NCOA1: variants seen among roughly 807,000 people sequenced by gnomAD.
The protein encoded by NCOA1 is Hin-2 protein.
A neutral mutation model predicts 150.9 loss-of-function variants in NCOA1; 35 were observed. The ratio of observed to expected loss-of-function variants is 0.23; its 90% confidence interval spans 0.18 to 0.31. NCOA1 has a LOEUF of 0.31. Ranked by LOEUF, NCOA1 falls within the 10% of genes least tolerant of loss-of-function variation. NCOA1 has a pLI of 1.00. For missense variants in NCOA1, 1,491 were observed against 1,749.3 expected, an observed-to-expected ratio of 0.85 and a Z score of 2.63; for synonymous variants, 590 against 630.0, an observed-to-expected ratio of 0.94 and a Z score of 0.95.
At chr2:24,600,126 T>C (rs1449515800) in intron 3 of NCOA1, among the ~76,000 whole-genome samples, 1 of 152,206 alleles carries the variant, frequency 6.6e-6, no homozygotes, top group African/African-American at 2.4e-5. Flanking sequence ...CCCATTCCCT[T>C]CTTTAGTCTA....
chr2:24,719,044 A>AC (rs1225714449), intron 14 of NCOA1, among the ~76,000 whole-genome samples: 6 of 150,812 alleles, frequency 4.0e-5, no homozygotes, highest in African/African-American at 1.5e-4. Flanking sequence ...AAAAAAAAAA[A>AC]AAAAAAAAAA....
intron 1 of NCOA1, among the ~76,000 whole-genome samples, chr2:24,546,778 A>C (rs1665620594): frequency 6.6e-6 from 1 of 152,220 alleles, no homozygotes; most frequent in Non-Finnish European, 1.5e-5. Flanking sequence ...TCAGCTGGTA[A>C]CTGGTGTGGG....
intron 4 of NCOA1, among the ~76,000 whole-genome samples, chr2:24,652,311 C>G (rs1021950755): frequency 6.6e-6 from 1 of 152,022 alleles, no homozygotes; most frequent in African/African-American, 2.4e-5. Flanking sequence ...AAGACCCTTA[C>G]GTGTCTTAGG....
At position 24,729,894 on chromosome 2, in the gene NCOA1, A is replaced by G. The variant is rs1176087273; in HGVS notation, c.3201+79A>G. On this transcript the variant is annotated intron_variant, in intron 17 of 22. Transcript: ENST00000348332. ...CACCTGTCACCAGGCTAGTGTGGCT[A>G]GTGTGCAGTAGTGCTATCTCAGCCC... 4.2e-6 allele frequency: 6 copies of G among 1,421,054 alleles called. No individual in the cohort carries two copies. In the Admixed American group the frequency reaches 1.1e-4, roughly 25 times the overall value. The allele number at this position is 1,421,054 out of a possible 1,614,324, so 88.0% of individuals were successfully genotyped here.
At chr2:24,643,930 G>A (rs190233265) in intron 3 of NCOA1, 36 bp from the exon 4 acceptor site, 49 of 151,646 alleles carry the variant, frequency 3.2e-4, no homozygotes, top group African/African-American at 9.7e-4. Context: ...GCAATCTAAC[G>A]TCCCTTCTGC....
chr2:24,534,779 T>C (rs1665055676), intron 1 of NCOA1, among the ~76,000 whole-genome samples: 1 of 152,240 alleles, frequency 6.6e-6, no homozygotes, highest in South Asian at 2.1e-4. Context: ...TTCTTAATCC[T>C]GAGTTCTAAT....
rs563197315 is a variant in NCOA1 at position 24,719,133 on chromosome 2, A to G, written c.2600-7456A>G. On this transcript the variant is annotated intron_variant, in intron 14 of 22. Coordinates refer to ENST00000348332, the MANE Select transcript of NCOA1 (RefSeq NM_003743.5). Reference sequence around the variant, plus strand: ...AAAATGAAACACTGCTCAGCAATGAAAAGGAAGGAACTATAATACTATTAC... The same window carrying G: ...AAAATGAAACACTGCTCAGCAATGAGAAGGAAGGAACTATAATACTATTAC... Among the ~76,000 whole-genome samples the G allele has an allele frequency of 3.9e-5, 6 of 152,166 alleles. 1 individual carries two copies. In the South Asian group the frequency reaches 1.0e-3, roughly 26 times the overall value.
chr2:24,613,245 T>G (rs371463684), intron 3 of NCOA1, among the ~76,000 whole-genome samples: 25 of 152,188 alleles, frequency 1.6e-4, no homozygotes, highest in East Asian at 1.2e-3. Flanking sequence ...AGATGGCGCT[T>G]ACGGGTAAGA....
chr2:24,612,225 G>T (rs1396418956), intron 3 of NCOA1, among the ~76,000 whole-genome samples: 2 of 152,154 alleles, frequency 1.3e-5, no homozygotes, highest in African/African-American at 4.8e-5. Flanking sequence ...TAAGAATGCT[G>T]AAAATAGGCC....
chr2:24,529,079 G>T (rs752906252), intron 1 of NCOA1, among the ~76,000 whole-genome samples: 9 of 152,100 alleles, frequency 5.9e-5, no homozygotes, highest in Non-Finnish European at 1.2e-4. Context: ...GTAGAGACGG[G>T]GTTTCACCAT....
Position 24,589,630 on chromosome 2 carries a change from GGTGTGTGTGTGTGT to G in NCOA1, c.-175+5091_-175+5104del, listed in dbSNP as rs148118845. Among the ~76,000 whole-genome samples the G allele has an allele frequency of 4.1e-5, 6 of 147,450 alleles. No individual in the cohort carries two copies. The South Asian group carries it at 8.6e-4, about 21-fold the overall frequency. ...GCATAGGGAGAGGAAAGAGGTTGGT[GGTGTGTGTGTGTGT>G]GTGTGTGTGTGTGTGTGTGTATGAA... is the stretch of plus-strand genomic sequence containing the variant. On this transcript the variant is annotated intron_variant, in intron 3 of 22. Transcript: ENST00000348332.
At chr2:24,725,767 T>G (rs1674587028) in intron 14 of NCOA1, among the ~76,000 whole-genome samples, 1 of 151,772 alleles carries the variant, frequency 6.6e-6, no homozygotes, top group Non-Finnish European at 1.5e-5. Flanking sequence ...CCAGAATTTT[T>G]TTATATTAAT....
intron 17 of NCOA1, among the ~76,000 whole-genome samples, chr2:24,739,177 G>A (rs187473592): frequency 8.6e-4 from 130 of 151,922 alleles, no homozygotes; most frequent in South Asian, 2.5e-3. Flanking sequence ...AGACAGTCTC[G>A]CTCTGTCACC....
At chr2:24,674,383 T>C (rs1671814082) in intron 7 of NCOA1, among the ~76,000 whole-genome samples, 1 of 152,096 alleles carries the variant, frequency 6.6e-6, no homozygotes, top group African/African-American at 2.4e-5. Flanking sequence ...TTTTTTTGTA[T>C]TTTTAGTAGA....
chr2:24,732,829 A>G (rs1572656458), intron 17 of NCOA1, among the ~76,000 whole-genome samples: 1 of 152,248 alleles, frequency 6.6e-6, no homozygotes, highest in Admixed American at 6.5e-5. Flanking sequence ...GCAGAAGAAA[A>G]GGGACTGTTT....
chr2:24,705,013 A>G (rs1329314431), intron 11 of NCOA1, 73 bp from the exon 12 acceptor site: 2 of 1,508,488 alleles, frequency 1.3e-6, no homozygotes, highest in East Asian at 2.3e-5. Flanking sequence ...CTAAGTAGAA[A>G]TAAAACCTGG....
chr2:24,654,620 G>T (rs1216906287), intron 4 of NCOA1, among the ~76,000 whole-genome samples: 1 of 152,154 alleles, frequency 6.6e-6, no homozygotes, highest in East Asian at 1.9e-4. Flanking sequence ...TAGAATAAAA[G>T]TCAAATCCTA....
chr2:24,739,488 T>C lies in NCOA1; in HGVS notation c.3258T>C (p.Val1086=). The C allele has an allele frequency of 6.2e-7, 1 of 1,613,972 alleles. No homozygotes were observed. Among genetic ancestry groups the C allele is most frequent in the Non-Finnish European group, 8.5e-7 (1 of 1,179,864 alleles). ...ACCAGTTTGCAGCAACTGCTCCTGT[T>C]GGCATCAATATGAGATCAGGCATGC... is the stretch of plus-strand genomic sequence containing the variant. ...ILNQFAATAP[V]GINMRSGMQQ... Residue 1086 remains valine (V), a synonymous_variant, in exon 18 of 23, where the codon GTT becomes GTC. Coordinates refer to ENST00000348332, the MANE Select transcript of NCOA1 (RefSeq NM_003743.5).
chr2:24,730,698 A>G (rs2148644003), intron 17 of NCOA1, among the ~76,000 whole-genome samples: 1 of 152,140 alleles, frequency 6.6e-6, no homozygotes, highest in South Asian at 2.1e-4. Context: ...ATATGGAGAT[A>G]ATCATTAAGG....
Sources: gnomAD v4.1 joint callset for allele counts (sites outside exome capture counted in the v4.1 genomes callset) on GRCh38, gnomAD v4.1.1 for gene constraint, MANE v1.5 for transcripts, NCBI Gene and HGNC (gene_info 2026-07-23, HGNC 2026-07-21) for gene names.